Variants in ADRA1B observed in about 807,000 individuals in gnomAD.
ADRA1B encodes the protein alpha-1B adrenergic receptor.
Under a neutral mutation model 17.9 loss-of-function variants are expected in ADRA1B, and 17 were observed. That is an observed-to-expected ratio of 0.95 (90% CI 0.65 to 1.42). ADRA1B has a LOEUF of 1.42. Among genes scored for constraint, ADRA1B ranks in the 40% most tolerant of loss-of-function variants. ADRA1B has a pLI of 0.00. For missense variants in ADRA1B, 681 were observed against 722.1 expected (o/e 0.94, Z 0.65); for synonymous variants, 366 against 327.6 (o/e 1.12, Z -1.27).
Position 159,917,642 on chromosome 5 carries a change from C to G in ADRA1B, c.737C>G (p.Ser246Cys). 6.2e-7 allele frequency: 1 copy of G among 1,613,986 alleles called. No homozygotes were observed. Among genetic ancestry groups the G allele is most frequent in the Non-Finnish European group, 8.5e-7 (1 of 1,180,018 alleles). The change falls in exon 1 of 2, where the codon TCC becomes TGC. Residue 246 changes from serine to cysteine, a missense_variant. Physicochemically the swap from Ser to Cys is moderately radical, Grantham distance 112. Transcript: ENST00000306675. ...NLEAGVMKEM[S>C]NSKELTLRIH... is the part of the protein sequence containing the mutation. ...GAGGCAGGAGTCATGAAGGAGATGT[C>G]CAACTCCAAGGAGCTGACCCTGAGG... is the stretch of plus-strand genomic sequence containing the variant.
At chr5:159,956,718 A>G (rs1581065425) in intron 1 of ADRA1B, among the ~76,000 whole-genome samples, 1 of 152,216 alleles carries the variant, frequency 6.6e-6, no homozygotes, top group East Asian at 1.9e-4. Flanking sequence ...AGCCATGCTC[A>G]TTTTAATTTT....
intron 1 of ADRA1B, 105 bp from the exon 2 acceptor site, chr5:159,971,774 A>C: frequency 9.0e-5 from 104 of 1,152,392 alleles, no homozygotes; most frequent in South Asian, 2.2e-4. Context: ...TGGCGGCAGG[A>C]ACGCTGCAGG....
At chr5:159,892,080 T>C (rs1488394807) in intron 1 of ADRA1B, among the ~76,000 whole-genome samples, 1 of 152,068 alleles carries the variant, frequency 6.6e-6, no homozygotes, top group Non-Finnish European at 1.5e-5. Flanking sequence ...CTACTAAAAA[T>C]ACAAAAATTA....
intron 1 of ADRA1B, among the ~76,000 whole-genome samples, chr5:159,937,159 T>C (rs1754977556): frequency 6.6e-6 from 1 of 152,226 alleles, no homozygotes; most frequent in African/African-American, 2.4e-5. Flanking sequence ...TCCCTGTATG[T>C]GTATTTCCTG....
intron 1 of ADRA1B, among the ~76,000 whole-genome samples, chr5:159,944,138 A>G (rs1439368309): frequency 6.6e-6 from 1 of 152,076 alleles, no homozygotes; most frequent in Admixed American, 6.5e-5. Flanking sequence ...TTCCTTCTGA[A>G]CCTTTCATGC....
chr5:159,964,114 T>C (rs1755729169), intron 1 of ADRA1B, among the ~76,000 whole-genome samples: 1 of 152,220 alleles, frequency 6.6e-6, no homozygotes, highest in African/African-American at 2.4e-5. Flanking sequence ...CATCTAGAGA[T>C]AGCACAAGAA....
At chr5:159,978,546 G>T in the ADRA1B span, among the ~76,000 whole-genome samples, 1 of 152,180 alleles carries the variant, frequency 6.6e-6, no homozygotes. Context: ...GCCCTCTCTA[G>T]GGCTCTGTCT....
At chr5:159,959,478 C>T (rs192006662) in intron 1 of ADRA1B, among the ~76,000 whole-genome samples, 35 of 152,292 alleles carry the variant, frequency 2.3e-4, no homozygotes, top group Non-Finnish European at 4.4e-4. Context: ...CCTTAAGGAG[C>T]TCATGAACAA....
intron 1 of ADRA1B, among the ~76,000 whole-genome samples, chr5:159,946,693 C>T (rs1220647271): frequency 6.6e-6 from 1 of 152,194 alleles, no homozygotes; most frequent in Non-Finnish European, 1.5e-5. Flanking sequence ...ATTATGAAAA[C>T]AATTAAAATT....
chr5:159,983,353 CTGCAGAGAGA>C, the ADRA1B span, among the ~76,000 whole-genome samples: 1 of 152,230 alleles, frequency 6.6e-6, no homozygotes, highest in Non-Finnish European at 1.5e-5. Context: ...CGGAAAACTC[CTGCAGAGAGA>C]TGTCAGAGAG....
intron 1 of ADRA1B, among the ~76,000 whole-genome samples, chr5:159,968,780 A>G (rs888529821): frequency 3.3e-5 from 5 of 152,152 alleles, no homozygotes; most frequent in African/African-American, 1.2e-4. Context: ...GAATCTCACT[A>G]TGTTGCCCCG....
chr5:159,987,816 A>G, the ADRA1B span, among the ~76,000 whole-genome samples: 670 of 152,332 alleles, frequency 4.4e-3, 5 homozygotes, highest in African/African-American at 0.016. Flanking sequence ...TATATGGTCT[A>G]TGGACCAAGT....
At chr5:159,907,024 C>A (rs777796486) in intron 1 of ADRA1B, among the ~76,000 whole-genome samples, 2 of 152,190 alleles carry the variant, frequency 1.3e-5, no homozygotes, top group African/African-American at 2.4e-5. Context: ...GAATGGCCAG[C>A]CTCCAGTGAG....
the ADRA1B span, among the ~76,000 whole-genome samples, chr5:159,985,794 C>A: frequency 1.3e-5 from 2 of 152,218 alleles, no homozygotes; most frequent in East Asian, 1.9e-4. Context: ...GACCTGGTGA[C>A]AAAGCCTGAT....
chr5:159,956,579 A>G (rs1368793845), intron 1 of ADRA1B, among the ~76,000 whole-genome samples: 3 of 152,194 alleles, frequency 2.0e-5, no homozygotes, highest in African/African-American at 7.2e-5. Context: ...ACAATCCCCT[A>G]TTGTTAAAAA....
chr5:159,898,989 G>T (rs1276320579), intron 1 of ADRA1B, among the ~76,000 whole-genome samples: 1 of 151,858 alleles, frequency 6.6e-6, no homozygotes, highest in African/African-American at 2.4e-5. Flanking sequence ...ACAAAAAAAA[G>T]TTTTTTAATT....
the ADRA1B span, among the ~76,000 whole-genome samples, chr5:159,979,440 C>T: frequency 5.9e-5 from 9 of 152,182 alleles, no homozygotes; most frequent in Non-Finnish European, 1.2e-4. Flanking sequence ...GCACATGGTA[C>T]TTGTTCAGTA....
At chr5:159,869,925 G>A (rs898507514) in intron 1 of ADRA1B, 2 of 152,200 alleles carry the variant, frequency 1.3e-5, no homozygotes, top group African/African-American at 4.8e-5. Flanking sequence ...ATATGTTACT[G>A]CTGTAATATA....
chr5:159,926,277 C>T (rs990200734), intron 1 of ADRA1B, among the ~76,000 whole-genome samples: 1 of 152,152 alleles, frequency 6.6e-6, no homozygotes, highest in African/African-American at 2.4e-5. Flanking sequence ...ACCTTTCTCG[C>T]GAAGTCTTCC....
Sources: gnomAD v4.1 joint callset for allele counts (sites outside exome capture counted in the v4.1 genomes callset) on GRCh38, gnomAD v4.1.1 for gene constraint, MANE v1.5 for transcripts, NCBI Gene and HGNC (gene_info 2026-07-23, HGNC 2026-07-21) for gene names.